The following PRKN variants were observed in gnomAD, a reference collection of about 807,000 sequenced individuals.
PRKN encodes parkin RBR E3 ubiquitin protein ligase.
A neutral mutation model predicts 59.5 loss-of-function variants in PRKN; 56 were observed. The ratio of observed to expected loss-of-function variants is 0.94; its 90% confidence interval spans 0.76 to 1.18. The LOEUF is 1.18. Among genes scored for constraint, PRKN ranks in the 50% most tolerant of loss-of-function variants. The probability of loss-of-function intolerance (pLI) is 0.00; values close to 1 mark genes in which losing one functional copy is unlikely to be tolerated. For synonymous variants in PRKN, 250 were observed against 222.1 expected (o/e 1.13, Z -1.12); for missense variants, 657 against 596.4 (o/e 1.10, Z -1.06).
chr6:162,096,585 G>T (rs1779743220), intron 4 of PRKN, among the ~76,000 whole-genome samples: 1 of 152,124 alleles, frequency 6.6e-6, no homozygotes, highest in South Asian at 2.1e-4. Context: ...CATGGGGGTG[G>T]TTTATCCCAC....
At chr6:162,400,234 A>C (rs2205625) in intron 2 of PRKN, among the ~76,000 whole-genome samples, 59,774 of 151,238 alleles carry the variant, frequency 0.4, 13,012 homozygotes, top group African/African-American at 0.59. Flanking sequence ...ACAACAACAA[A>C]AAAAAAAAAC....
chr6:161,614,408 G>A (rs892027719), intron 7 of PRKN, among the ~76,000 whole-genome samples: 1 of 152,168 alleles, frequency 6.6e-6, no homozygotes, highest in Non-Finnish European at 1.5e-5. Context: ...AAACAGATTT[G>A]AGACAAACAT....
intron 7 of PRKN, among the ~76,000 whole-genome samples, chr6:161,731,275 G>A (rs1416598953): frequency 2.0e-5 from 3 of 152,212 alleles, no homozygotes; most frequent in Non-Finnish European, 4.4e-5. Context: ...GCACATGTGC[G>A]GCCAGAACCC....
chr6:161,590,667 A>G (rs1028144923), intron 7 of PRKN, among the ~76,000 whole-genome samples: 17 of 150,474 alleles, frequency 1.1e-4, no homozygotes, highest in Non-Finnish European at 1.3e-4. Flanking sequence ...CAGGAGGTGG[A>G]GGTTGTGGTG....
intron 2 of PRKN, among the ~76,000 whole-genome samples, chr6:162,321,584 A>T (rs1374415543): frequency 6.6e-6 from 1 of 152,004 alleles, no homozygotes; most frequent in East Asian, 1.9e-4. Flanking sequence ...AGAAAAGAAA[A>T]CCGAAAATGA....
At chr6:162,680,212 A>C (rs1161187652) in intron 1 of PRKN, among the ~76,000 whole-genome samples, 1 of 151,016 alleles carries the variant, frequency 6.6e-6, no homozygotes, top group African/African-American at 2.4e-5. Flanking sequence ...GAAAAGAAAT[A>C]TATGTTTATA....
chr6:162,270,659 G>A (rs945297961), intron 2 of PRKN: 4 of 152,146 alleles, frequency 2.6e-5, no homozygotes, highest in African/African-American at 9.7e-5. Flanking sequence ...AGAATGATCA[G>A]ACTAATTTAA....
At chr6:161,779,699 T>C (rs1477483517) in intron 7 of PRKN, among the ~76,000 whole-genome samples, 1 of 152,130 alleles carries the variant, frequency 6.6e-6, no homozygotes, top group Non-Finnish European at 1.5e-5. Flanking sequence ...TACCTCGTCC[T>C]ACCAAAGTGT....
In PRKN at chr6:161,581,463, A is replaced by C. The variant is rs1781336833; in HGVS notation, c.872-12047T>G. On this transcript the variant is annotated intron_variant, in intron 7 of 11. Transcript: ENST00000366898. This position sits in a 1 kb window ranked among gnomAD's most constrained non-coding sequence, Gnocchi z 4.5. ...ATAAGCAAAAGGAGTTTTTTTGAGA[A>C]GTGTTGAGAGAGAAGAGGCCTGGAA... Among the ~76,000 whole-genome samples, 1 of 152,186 alleles carries C rather than the reference A, an allele frequency of 6.6e-6. No homozygotes were observed. The highest frequency in any genetic ancestry group is 1.5e-5 in the Non-Finnish European group (1 of 68,032).
At chr6:162,501,184 T>C (rs535096996) in intron 1 of PRKN, among the ~76,000 whole-genome samples, 2 of 152,230 alleles carry the variant, frequency 1.3e-5, no homozygotes, top group East Asian at 3.9e-4. Flanking sequence ...AAAGGTGTTT[T>C]AATATCCCTC....
intron 1 of PRKN, among the ~76,000 whole-genome samples, chr6:162,448,611 T>C (rs1469925057): frequency 6.6e-6 from 1 of 152,092 alleles, no homozygotes; most frequent in African/African-American, 2.4e-5. Flanking sequence ...AAAGAGGACA[T>C]ACTTTTGTAG....
At chr6:162,636,750 G>A (rs1030615986) in intron 1 of PRKN, among the ~76,000 whole-genome samples, 2 of 151,880 alleles carry the variant, frequency 1.3e-5, no homozygotes, top group East Asian at 1.9e-4. Context: ...TTTGGGAGGC[G>A]GAGGCAGAAG....
rs767878841 is a variant in PRKN, at chr6:161,360,202, A to C, written c.1171T>G (p.Tyr391Asp). The change falls in exon 11 of 12, where the codon TAC (tyrosine) becomes GAC (aspartate). Residue 391 changes from tyrosine to aspartate, a missense_variant. Transcript: ENST00000366898. The surrounding 1 kb of genome is among the most constrained non-coding windows in gnomAD (Gnocchi z 5.1). ...TCGGCGGCTCTTTCATCGACTCTGT[A>C]GGCCTGGGGAAACAAAGAGGAAAGG... ...FEASGTTTQA[Y>D]RVDERAAEQA... The C allele has an allele frequency of 6.2e-7, 1 of 1,611,204 alleles. No homozygotes were observed.
chr6:161,633,064 C>G (rs568389462), intron 7 of PRKN, among the ~76,000 whole-genome samples: 1 of 152,234 alleles, frequency 6.6e-6, no homozygotes, highest in African/African-American at 2.4e-5. Context: ...GCTGTACAAA[C>G]AATACTGTAT....
chr6:162,515,593 A>G (rs1777814540), intron 1 of PRKN, among the ~76,000 whole-genome samples: 1 of 152,178 alleles, frequency 6.6e-6, no homozygotes. Context: ...GGTAAAACTA[A>G]TTTCTAACTT....
chr6:161,448,725 A>C lies in PRKN; in HGVS notation c.1084-61848T>G, dbSNP rs1224535103. 6.6e-6 allele frequency among the ~76,000 whole-genome samples: 1 copy of C among 152,178 alleles called. No individual in the cohort carries two copies. Among genetic ancestry groups the C allele is most frequent in the Non-Finnish European group, 1.5e-5 (1 of 68,026 alleles). On this transcript the variant is annotated intron_variant, in intron 9 of 11. Coordinates refer to ENST00000366898, the MANE Select transcript of PRKN (RefSeq NM_004562.3). This position sits in a 1 kb window ranked among gnomAD's most constrained non-coding sequence, Gnocchi z 5.1. ...AAGAGGCTAGACATCTCTGGCTGGAAAGGCACTCCCTGCAGATCTGGGAAG... is the reference window on the plus strand; with the variant it reads ...AAGAGGCTAGACATCTCTGGCTGGACAGGCACTCCCTGCAGATCTGGGAAG...
At chr6:161,886,756 A>ATAAT (rs58076484) in intron 6 of PRKN, among the ~76,000 whole-genome samples, 6 of 146,358 alleles carry the variant, frequency 4.1e-5, no homozygotes, top group Non-Finnish European at 7.5e-5. Flanking sequence ...TAAAATAAAA[A>ATAAT]AAAATAAAAT....
At chr6:162,204,647 C>T (rs539215209) in intron 3 of PRKN, among the ~76,000 whole-genome samples, 1 of 151,884 alleles carries the variant, frequency 6.6e-6, no homozygotes, top group Non-Finnish European at 1.5e-5. Context: ...TGTCATGTGC[C>T]AGGAGGTTAA....
chr6:162,486,538 A>G (rs532166893), intron 1 of PRKN, among the ~76,000 whole-genome samples: 1 of 152,282 alleles, frequency 6.6e-6, no homozygotes, highest in African/African-American at 2.4e-5. Context: ...TTGCTCATCT[A>G]TTTGTGAGAG....
Sources: allele counts gnomAD v4.1 joint callset (sites outside exome capture counted in the v4.1 genomes callset), GRCh38; gene constraint gnomAD v4.1.1; non-coding constraint Gnocchi (gnomAD v3.1); transcripts MANE v1.5; gene names NCBI Gene and HGNC (gene_info 2026-07-23, HGNC 2026-07-21).